Variants in DCAKD observed in about 807,000 individuals in gnomAD.
The protein encoded by DCAKD is dephospho-CoA kinase domain containing.
In DCAKD, 15 loss-of-function variants were observed where a neutral mutation model predicts 18.7. The observed-to-expected ratio is 0.80, with a 90% CI of 0.54 to 1.24. The LOEUF (loss-of-function observed/expected upper bound fraction) is 1.24. Ranked by LOEUF, DCAKD falls within the 50% of genes most tolerant of loss-of-function variation. DCAKD has a pLI of 0.00. For missense variants in DCAKD, 301 were observed against 322.0 expected (o/e 0.93, Z 0.50); for synonymous variants, 130 against 133.0 (o/e 0.98, Z 0.16).
chr17:45,047,539 C>A (rs2143355701), intron 1 of DCAKD, among the ~76,000 whole-genome samples: 1 of 148,650 alleles, frequency 6.7e-6, no homozygotes, highest in South Asian at 2.1e-4. Flanking sequence ...GGAGTCTCAC[C>A]CTGTTGCCCA....
chr17:45,041,217 GA>G lies in DCAKD; in HGVS notation c.-114-6219del, dbSNP rs1285288666. The stretch of plus-strand genomic sequence containing the variant: ...TCCCGCCTCCTCCTGGCCCTTCACA[GA>G]GGTCTCCAGGCCCTGTGTGACTCCC... On this transcript the variant is annotated intron_variant, in intron 1 of 4. Coordinates refer to ENST00000651974, the MANE Select transcript of DCAKD (RefSeq NM_001288655.2). Among the ~76,000 whole-genome samples the G allele has an allele frequency of 2.0e-5, 3 of 152,080 alleles. No homozygotes were observed. In the East Asian group the frequency reaches 5.8e-4, roughly 29 times the overall value.
intron 4 of DCAKD, among the ~76,000 whole-genome samples, chr17:45,029,805 T>C (rs2053137309): frequency 6.6e-6 from 1 of 152,024 alleles, no homozygotes. Flanking sequence ...TGAGTAACAG[T>C]GGCCCAGGGC....
intron 1 of DCAKD, among the ~76,000 whole-genome samples, chr17:45,050,165 C>T (rs1424036999): frequency 6.6e-6 from 1 of 151,920 alleles, no homozygotes; most frequent in East Asian, 1.9e-4. Flanking sequence ...CTCAGCCTCC[C>T]GAGTAGCTGG....
chr17:45,041,752 G>T (rs556875134), intron 1 of DCAKD, among the ~76,000 whole-genome samples: 3 of 152,158 alleles, frequency 2.0e-5, no homozygotes, highest in Non-Finnish European at 4.4e-5. Flanking sequence ...GTGGTGGGGG[G>T]AGCAGGGGAG....
chr17:45,045,843 T>C (rs1420110682), intron 1 of DCAKD, among the ~76,000 whole-genome samples: 1 of 152,146 alleles, frequency 6.6e-6, no homozygotes, highest in African/African-American at 2.4e-5. Flanking sequence ...TTTTTGTTTT[T>C]GAGACGGAGC....
chr17:45,056,470 T>A (rs535819461), upstream of DCAKD, among the ~76,000 whole-genome samples: 71 of 151,620 alleles, frequency 4.7e-4, no homozygotes, highest in African/African-American at 1.4e-3. Context: ...GCACTCTTTT[T>A]TATATATATT....
intron 1 of DCAKD, among the ~76,000 whole-genome samples, chr17:45,059,823 T>C (rs1328829729): frequency 6.6e-6 from 1 of 152,134 alleles, no homozygotes; most frequent in African/African-American, 2.4e-5. Context: ...AAGGTCAATA[T>C]GGCCAGGTAC....
At chr17:45,030,200 C>T in intron 3 of DCAKD, 21 bp from the exon 4 acceptor site, 2 of 1,609,122 alleles carry the variant, frequency 1.2e-6, no homozygotes, top group Non-Finnish European at 1.7e-6. Context: ...GTTGGAAATC[C>T]CCCAAGTTCA....
At chr17:45,037,910 G>A (rs2053341114) in intron 1 of DCAKD, among the ~76,000 whole-genome samples, 2 of 151,568 alleles carry the variant, frequency 1.3e-5, no homozygotes, top group Admixed American at 1.3e-4. Context: ...GGGATTACAG[G>A]TGCCCACCAC....
At chr17:45,048,397 C>T (rs1050357227) in intron 1 of DCAKD, among the ~76,000 whole-genome samples, 5 of 152,044 alleles carry the variant, frequency 3.3e-5, no homozygotes, top group African/African-American at 1.2e-4. Flanking sequence ...AATCCCAGCA[C>T]TTTGGGAGGC....
At chr17:45,034,111 C>G in intron 3 of DCAKD, 76 bp downstream of exon 3, 2 of 1,606,920 alleles carry the variant, frequency 1.2e-6, no homozygotes, top group South Asian at 2.2e-5. Context: ...CCTACCCTGG[C>G]CAAACTTTCT....
At chr17:45,055,912 T>G (rs1021902300), upstream of DCAKD, among the ~76,000 whole-genome samples, 4 of 152,178 alleles carry the variant, frequency 2.6e-5, no homozygotes, top group African/African-American at 9.7e-5. Context: ...CCCAGCACTT[T>G]GGGAGGCCAA....
intron 1 of DCAKD, among the ~76,000 whole-genome samples, chr17:45,041,975 G>C (rs1411106560): frequency 6.6e-6 from 1 of 151,864 alleles, no homozygotes; most frequent in African/African-American, 2.4e-5. Context: ...AAATAGCTGG[G>C]CATGATGGCA....
chr17:45,030,945 G>GT, intron 3 of DCAKD: 1 of 983,394 alleles, frequency 1.0e-6, no homozygotes, highest in Non-Finnish European at 1.2e-6. Context: ...CCCACCCACT[G>GT]TGAGTGAGCA....
At chr17:45,049,713 C>T (rs1434913051) in intron 1 of DCAKD, among the ~76,000 whole-genome samples, 32 of 111,886 alleles carry the variant, frequency 2.9e-4, no homozygotes, top group African/African-American at 8.2e-4. Flanking sequence ...TTTTCTTTTC[C>T]TTTTTTTTTT....
rs2052990470 is a variant in DCAKD, at chr17:45,023,791, C to T, written c.*642G>A. On this transcript the variant is annotated 3_prime_UTR_variant, in exon 5 of 5. Coordinates refer to ENST00000651974, the MANE Select transcript of DCAKD (RefSeq NM_001288655.2). Reference sequence around the variant, plus strand: ...CAGGATGTGGGAGCACTACACAAACCCTACGTGGGGAGAGGGGTCTCCCAG... The same window carrying T: ...CAGGATGTGGGAGCACTACACAAACTCTACGTGGGGAGAGGGGTCTCCCAG... 1 of 152,520 alleles carries T rather than the reference C, an allele frequency of 6.6e-6. No individual in the cohort carries two copies. Among genetic ancestry groups the T allele is most frequent in the African/African-American group, 2.4e-5 (1 of 41,408 alleles). 9.4% of individuals were successfully genotyped at this position (152,520 alleles called of 1,614,324 possible).
At chr17:45,059,696 G>T (rs2053827551) in intron 1 of DCAKD, among the ~76,000 whole-genome samples, 2 of 152,144 alleles carry the variant, frequency 1.3e-5, no homozygotes, top group Admixed American at 6.5e-5. Context: ...TGGTGGCAAA[G>T]AATTCAGAGG....
At position 45,036,243 on chromosome 17, in the gene DCAKD, G is replaced by A. The variant is rs1272977767; in HGVS notation, c.-114-1244C>T. Among the ~76,000 whole-genome samples the A allele has an allele frequency of 7.2e-5, 11 of 152,320 alleles. No individual in the cohort carries two copies. In the East Asian group the frequency reaches 1.2e-3, roughly 16 times the overall value. ...GATCATAAGACTGCCTTGGCTGGGC[G>A]TAGTGGCTCACGCCTGTAATCCCAG... is the stretch of plus-strand genomic sequence containing the variant. On this transcript the variant is annotated intron_variant, in intron 1 of 4. Coordinates refer to ENST00000651974, the MANE Select transcript of DCAKD (RefSeq NM_001288655.2).
At chr17:45,031,458 T>A in intron 3 of DCAKD, 1 of 951,438 alleles carries the variant, frequency 1.1e-6, no homozygotes, top group Non-Finnish European at 1.3e-6. Context: ...CTTCACAGGA[T>A]GATGGTAAAG....
Sources: allele counts gnomAD v4.1 joint callset (sites outside exome capture counted in the v4.1 genomes callset), GRCh38; gene constraint gnomAD v4.1.1; transcripts MANE v1.5; gene names NCBI Gene and HGNC (gene_info 2026-07-23, HGNC 2026-07-21).